Variants in ATP2B1 observed in about 807,000 individuals in gnomAD.
The protein encoded by ATP2B1 is plasma membrane calcium-transporting ATPase 1.
A neutral mutation model predicts 124.2 loss-of-function variants in ATP2B1; 14 were observed. The observed-to-expected ratio is 0.11, with a 90% CI of 0.07 to 0.18. ATP2B1 has a LOEUF of 0.18. ATP2B1 is among the 10% of genes least tolerant of loss of function. The probability of loss-of-function intolerance (pLI) is 1.00; values close to 1 mark genes in which losing one functional copy is unlikely to be tolerated. For synonymous variants in ATP2B1, 449 were observed against 492.4 expected (o/e 0.91, Z 1.17); for missense variants, 763 against 1,466.1 (o/e 0.52, Z 7.83).
At chr12:89,703,242 C>T (rs974109355) in intron 1 of ATP2B1, among the ~76,000 whole-genome samples, 48 of 152,150 alleles carry the variant, frequency 3.2e-4, no homozygotes, top group Non-Finnish European at 2.8e-4. Flanking sequence ...TTATTAAAGG[C>T]AGGTAATTCA....
rs903394784 is a variant in ATP2B1 at position 89,589,822 on chromosome 12, ATATT to A, written c.*1158_*1161del. 8.5e-5 allele frequency: 13 copies of A among 152,404 alleles called. No homozygotes were observed. In the East Asian group the frequency reaches 1.5e-3, roughly 18 times the overall value. 9.4% of individuals were successfully genotyped at this position (152,404 alleles called of 1,614,324 possible). On this transcript the variant is annotated 3_prime_UTR_variant, in exon 21 of 21. Coordinates refer to ENST00000428670, the MANE Select transcript of ATP2B1 (RefSeq NM_001366521.1). ...CCATGAATTTATTTAATAAAAGGGC[ATATT>A]TATTTATGTTTACAAACAAGTTTCA...
Position 89,668,773 on chromosome 12 carries a change from T to C in ATP2B1, c.-221-12666A>G, listed in dbSNP as rs548038410. 9.1e-4 allele frequency among the ~76,000 whole-genome samples: 139 copies of C among 152,328 alleles called. 1 individual carries two copies. The highest frequency in any genetic ancestry group is 1.6e-3 in the Admixed American group (24 of 15,308). ...ACTGACAGCTTCAGTATGGGTGTCA[T>C]GTCCCAAATCAGCATCCCTTCTCTC... is the stretch of plus-strand genomic sequence containing the variant. On this transcript the variant is annotated intron_variant, in intron 1 of 20. Coordinates refer to ENST00000428670, the MANE Select transcript of ATP2B1 (RefSeq NM_001366521.1).
chr12:89,597,962 A>AAC (rs1874972147), intron 20 of ATP2B1, among the ~76,000 whole-genome samples: 1 of 146,036 alleles, frequency 6.8e-6, no homozygotes. Context: ...GAAAAAAAAA[A>AAC]CACCCCAAAC....
chr12:89,674,454 A>T (rs551960771), intron 1 of ATP2B1, among the ~76,000 whole-genome samples: 1 of 152,042 alleles, frequency 6.6e-6, no homozygotes, highest in Non-Finnish European at 1.5e-5. Context: ...TTGAACTTGT[A>T]CCTATACTAG....
chr12:89,615,994 G>A (rs1388271827), intron 12 of ATP2B1, among the ~76,000 whole-genome samples: 1 of 152,096 alleles, frequency 6.6e-6, no homozygotes, highest in Non-Finnish European at 1.5e-5. Flanking sequence ...GGCACACAGT[G>A]AGAACTCAAT....
chr12:89,689,832 T>C (rs1487103970), intron 1 of ATP2B1, among the ~76,000 whole-genome samples: 1 of 152,146 alleles, frequency 6.6e-6, no homozygotes, highest in East Asian at 1.9e-4. Context: ...TAGCAAATAT[T>C]TTCTGAATAT....
chr12:89,677,954 T>TTATATATATATATGTG (rs1491452210), intron 1 of ATP2B1, among the ~76,000 whole-genome samples: 6 of 68,766 alleles, frequency 8.7e-5, no homozygotes, highest in South Asian at 5.8e-4. Flanking sequence ...CATGCAGGAA[T>TTATATATATATATGTG]TATATATATA....
rs748992842 is a variant in ATP2B1 at position 89,616,852 on chromosome 12, C to T, written c.2017G>A (p.Gly673Ser). ...EWDNENDIVT[G>S]LTCIAVVGIE... ...CCCACAACAGCAATGCATGTAAGGC[C>T]GGTGACAATATCATTTTCATTATCC... The change falls in exon 12 of 21, where the codon GGC (glycine) becomes AGC (serine). Residue 673 changes from glycine (G) to serine (S), a missense_variant. Transcript: ENST00000428670. 3.2e-5 allele frequency: 52 copies of T among 1,613,910 alleles called. No individual in the cohort carries two copies. The highest frequency in any genetic ancestry group is 1.3e-5 in the African/African-American group (1 of 74,904).
chr12:89,611,415 T>C, intron 12 of ATP2B1, 43 bp from the exon 13 acceptor site: 1 of 1,458,148 alleles, frequency 6.9e-7, no homozygotes, highest in Non-Finnish European at 9.1e-7. Flanking sequence ...TAATTTGGTA[T>C]TTTTAGAAGG....
chr12:89,705,028 G>A (rs1293786450), intron 1 of ATP2B1, among the ~76,000 whole-genome samples: 3 of 152,072 alleles, frequency 2.0e-5, no homozygotes, highest in Admixed American at 2.0e-4. Flanking sequence ...GATGGACCAC[G>A]AGAGTTGGTA....
chr12:89,688,105 A>G (rs1259650088), intron 1 of ATP2B1, among the ~76,000 whole-genome samples: 1 of 152,108 alleles, frequency 6.6e-6, no homozygotes, highest in Non-Finnish European at 1.5e-5. Context: ...TTTCTTATAA[A>G]TTAGACATCA....
intron 1 of ATP2B1, among the ~76,000 whole-genome samples, chr12:89,657,811 A>G (rs58336850): frequency 6.6e-6 from 1 of 152,312 alleles, no homozygotes; most frequent in African/African-American, 2.4e-5. Context: ...AATGGGCTAA[A>G]AACTTAGAAT....
At chr12:89,669,197 G>C (rs1484473828) in intron 1 of ATP2B1, among the ~76,000 whole-genome samples, 1 of 152,110 alleles carries the variant, frequency 6.6e-6, no homozygotes, top group Non-Finnish European at 1.5e-5. Flanking sequence ...TGTAAGCTGA[G>C]GGCAGGATGG....
At chr12:89,645,976 TTTAGAAGTGGAG>T (rs1884388184) in intron 2 of ATP2B1, among the ~76,000 whole-genome samples, 1 of 152,142 alleles carries the variant, frequency 6.6e-6, no homozygotes, top group African/African-American at 2.4e-5. Context: ...GTATTTGGGT[TTTAGAAGTGGAG>T]GCAGAAGGGG....
chr12:89,682,142 A>G (rs1035213679), intron 1 of ATP2B1, among the ~76,000 whole-genome samples: 2 of 152,186 alleles, frequency 1.3e-5, no homozygotes, highest in African/African-American at 2.4e-5. Context: ...AGCAACCAAA[A>G]AAGATTAAAG....
At chr12:89,647,894 C>T (rs935655919) in intron 2 of ATP2B1, among the ~76,000 whole-genome samples, 2 of 152,094 alleles carry the variant, frequency 1.3e-5, no homozygotes, top group Non-Finnish European at 1.5e-5. Context: ...CTCCTTCTCT[C>T]ACTCTCACTC....
rs781505973 is a variant in ATP2B1, at chr12:89,655,792, G to C, written c.95C>G (p.Ala32Gly). Residue 32 changes from alanine to glycine, a missense_variant, in exon 2 of 21, where the codon GCA becomes GGA. This residue lies in a region of ATP2B1 where 93 missense variants were observed against 112.7 expected (regional missense o/e 0.83). Transcript: ENST00000428670. ...NHDGDFGITL[A>G]ELRALMELRS... Reference sequence around the variant, plus strand: ...GAGCTCCATGAGAGCCCGCAGCTCTGCGAGCGTAATTCCAAAGTCTCCATC... The same window carrying C: ...GAGCTCCATGAGAGCCCGCAGCTCTCCGAGCGTAATTCCAAAGTCTCCATC... The C allele has an allele frequency of 5.6e-6, 9 of 1,614,042 alleles. No individual in the cohort carries two copies. The Admixed American group carries it at 1.3e-4, about 24-fold the overall frequency.
intron 6 of ATP2B1, among the ~76,000 whole-genome samples, chr12:89,629,392 T>C (rs1199497189): frequency 2.0e-5 from 3 of 152,164 alleles, no homozygotes; most frequent in African/African-American, 4.8e-5. Flanking sequence ...ATGGAATCAT[T>C]ACTGTGCTGG....
At chr12:89,632,153 T>A (rs1211899737) in intron 5 of ATP2B1, among the ~76,000 whole-genome samples, 1 of 151,336 alleles carries the variant, frequency 6.6e-6, no homozygotes, top group Non-Finnish European at 1.5e-5. Flanking sequence ...TTTTTTTTTT[T>A]ACACGTTATC....
Sources: gnomAD v4.1 joint callset for allele counts (sites outside exome capture counted in the v4.1 genomes callset) on GRCh38, gnomAD v4.1.1 for gene constraint, gnomAD v4.1.1 regional missense constraint, MANE v1.5 for transcripts, NCBI Gene and HGNC (gene_info 2026-07-23, HGNC 2026-07-21) for gene names.